The following GALNT11 variants were observed in gnomAD, a reference collection of about 807,000 sequenced individuals.
GALNT11 encodes UDP-GalNAc:polypeptide N-acetylgalactosaminyltransferase 11.
Under a neutral mutation model 72.7 loss-of-function variants are expected in GALNT11, and 47 were observed. The observed-to-expected ratio is 0.65, with a 90% CI of 0.51 to 0.82. The LOEUF is 0.82. Among genes scored for constraint, GALNT11 ranks in the 40% least tolerant of loss-of-function variants. The pLI is 0.00. For synonymous variants in GALNT11, 270 were observed against 286.6 expected (o/e 0.94, Z 0.58); for missense variants, 677 against 778.4 (o/e 0.87, Z 1.55).
intron 1 of GALNT11, among the ~76,000 whole-genome samples, chr7:152,089,472 T>C (rs1007745497): frequency 2.6e-5 from 4 of 152,248 alleles, no homozygotes; most frequent in Admixed American, 2.0e-4. Context: ...TTATCCCTTA[T>C]GCTGTTTGTT....
intron 3 of GALNT11, among the ~76,000 whole-genome samples, chr7:152,102,300 T>G (rs1286723729): frequency 3.3e-5 from 5 of 152,106 alleles, no homozygotes; most frequent in Non-Finnish European, 7.4e-5. Context: ...TCCCAGCACT[T>G]TGGGAGGGCG....
rs2089461208 is a variant in GALNT11 at position 152,121,944 on chromosome 7, C to G, written c.*267C>G. The G allele has an allele frequency of 2.9e-6, 1 of 339,710 alleles. No homozygotes were observed. The highest frequency in any genetic ancestry group is 5.4e-6 in the Non-Finnish European group (1 of 186,520). 21.0% of individuals were successfully genotyped at this position (339,710 alleles called of 1,614,324 possible). A position where few individuals can be genotyped will look rare whatever the true frequency, so the allele number is the denominator to read the frequency against. On this transcript the variant is annotated 3_prime_UTR_variant, in exon 12 of 12. Coordinates refer to ENST00000430044, the MANE Select transcript of GALNT11 (RefSeq NM_022087.4). ...CCTGGACATTAAGGTGATGTTTGAG[C>G]TGCTGTTAAGGAATTTCTTGCTTAT...
intron 1 of GALNT11, among the ~76,000 whole-genome samples, chr7:152,027,173 G>T (rs1003494858): frequency 3.3e-5 from 5 of 152,116 alleles, no homozygotes; most frequent in Non-Finnish European, 7.3e-5. Context: ...GGCGTGAATC[G>T]AGGAGGCAGA....
chr7:152,078,980 C>T (rs2085153058), intron 1 of GALNT11, among the ~76,000 whole-genome samples: 1 of 150,586 alleles, frequency 6.6e-6, no homozygotes, highest in African/African-American at 2.5e-5. Flanking sequence ...ATAGGTAGCT[C>T]CTACTCTGTC....
intron 6 of GALNT11, 84 bp downstream of exon 6, chr7:152,108,371 C>G: frequency 1.3e-6 from 2 of 1,512,476 alleles, no homozygotes; most frequent in Non-Finnish European, 1.8e-6. Context: ...ATTCCTCCTT[C>G]TTTGTAAGGA....
intron 1 of GALNT11, among the ~76,000 whole-genome samples, chr7:152,046,632 C>G (rs1335730261): frequency 6.6e-6 from 1 of 151,882 alleles, no homozygotes; most frequent in African/African-American, 2.4e-5. Flanking sequence ...TTTTTGGTTT[C>G]CATTTGCATG....
intron 1 of GALNT11, among the ~76,000 whole-genome samples, chr7:152,078,094 G>T (rs571217604): frequency 6.6e-6 from 1 of 151,882 alleles, no homozygotes; most frequent in Non-Finnish European, 1.5e-5. Context: ...TGAAGCGTGA[G>T]GGGGGAAGGC....
chr7:152,063,077 T>G (rs2084107691), intron 1 of GALNT11, among the ~76,000 whole-genome samples: 1 of 152,234 alleles, frequency 6.6e-6, no homozygotes, highest in African/African-American at 2.4e-5. Flanking sequence ...AGAATTCAAC[T>G]GTGAATCCAT....
intron 1 of GALNT11, among the ~76,000 whole-genome samples, chr7:152,036,861 C>T (rs2082605387): frequency 6.6e-6 from 1 of 152,136 alleles, no homozygotes; most frequent in Non-Finnish European, 1.5e-5. Flanking sequence ...TTTTCATACA[C>T]CTGTTTGCTA....
Position 152,108,296 on chromosome 7 carries a change from G to A in GALNT11, c.962+9G>A, listed in dbSNP as rs371923465. 8.8e-6 allele frequency: 14 copies of A among 1,594,870 alleles called. No individual in the cohort carries two copies. Among genetic ancestry groups the A allele is most frequent in the South Asian group, 4.4e-5 (4 of 90,408 alleles). ...GCCACTGCACCAATAAAGTAAGATC[G>A]CTCCTTTGTTTGACAAATTCCTACC... On this transcript the variant is annotated intron_variant, in intron 6 of 11. Coordinates refer to ENST00000430044, the MANE Select transcript of GALNT11 (RefSeq NM_022087.4).
chr7:152,057,748 A>G (rs548030120), intron 1 of GALNT11, among the ~76,000 whole-genome samples: 56 of 150,580 alleles, frequency 3.7e-4, no homozygotes, highest in African/African-American at 1.4e-3. Flanking sequence ...CCCATATCCA[A>G]TTTCCCCTGT....
chr7:152,111,644 A>ATATAT (rs201303779), intron 7 of GALNT11, among the ~76,000 whole-genome samples: 3 of 139,208 alleles, frequency 2.2e-5, no homozygotes, highest in African/African-American at 8.1e-5. Context: ...ATATATATAT[A>ATATAT]TTTTTTTAAA....
Position 152,025,871 on chromosome 7 carries a change from C to T in GALNT11, c.-52C>T. On this transcript the variant is annotated 5_prime_UTR_variant, in exon 1 of 12. Transcript: ENST00000430044. ...AGTCCCAGAAGGCGGCGATCCTGGG[C>T]TGCGGGCAAGGCGGTGAGTACCCTC... is the stretch of plus-strand genomic sequence containing the variant. 1.1e-5 allele frequency: 3 copies of T among 285,414 alleles called. 1 individual carries two copies. The highest frequency in any genetic ancestry group is 5.5e-5 in the South Asian group (2 of 36,242). 17.7% of individuals were successfully genotyped at this position (285,414 alleles called of 1,614,324 possible). A position where few individuals can be genotyped will look rare whatever the true frequency, so the allele number is the denominator to read the frequency against.
chr7:152,104,466 CAAAA>C (rs2087309173), intron 4 of GALNT11: 2 of 152,178 alleles, frequency 1.3e-5, no homozygotes, highest in South Asian at 4.1e-4. Context: ...AACAAACAAA[CAAAA>C]AACCTAATAA....
chr7:152,076,233 C>T (rs935560801), intron 1 of GALNT11, among the ~76,000 whole-genome samples: 4 of 152,108 alleles, frequency 2.6e-5, no homozygotes, highest in Non-Finnish European at 4.4e-5. Flanking sequence ...TAAAGGCTCT[C>T]TTTATTAGAT....
At chr7:152,095,419 C>A (rs901460885) in intron 2 of GALNT11, among the ~76,000 whole-genome samples, 1 of 151,858 alleles carries the variant, frequency 6.6e-6, no homozygotes, top group Non-Finnish European at 1.5e-5. Flanking sequence ...ATTGAGAGAG[C>A]CTTAGAATGT....
At chr7:152,039,147 G>T (rs1041691648) in intron 1 of GALNT11, among the ~76,000 whole-genome samples, 4 of 152,154 alleles carry the variant, frequency 2.6e-5, no homozygotes, top group African/African-American at 9.7e-5. Flanking sequence ...GCCATGGCAC[G>T]CAGACTGAGG....
intron 1 of GALNT11, among the ~76,000 whole-genome samples, chr7:152,044,739 GT>G (rs2083035049): frequency 6.6e-6 from 1 of 151,946 alleles, no homozygotes; most frequent in East Asian, 1.9e-4. Flanking sequence ...GCAAACAAGG[GT>G]ACTTTGACTT....
chr7:152,069,676 T>G (rs2084512335), intron 1 of GALNT11, among the ~76,000 whole-genome samples: 1 of 152,226 alleles, frequency 6.6e-6, no homozygotes, highest in Non-Finnish European at 1.5e-5. Flanking sequence ...TTTTTGTCCC[T>G]GATTATCAGA....
Sources: allele counts gnomAD v4.1 joint callset (sites outside exome capture counted in the v4.1 genomes callset), GRCh38; gene constraint gnomAD v4.1.1; transcripts MANE v1.5; gene names NCBI Gene and HGNC (gene_info 2026-07-23, HGNC 2026-07-21).